The following PARD3B variants were observed in gnomAD, a reference collection of about 807,000 sequenced individuals.
PARD3B encodes par-3 family cell polarity regulator beta, also known as partitioning defective 3 homolog B.
PARD3B carries 103 observed loss-of-function variants against 130.2 expected under a neutral mutation model. That is an observed-to-expected ratio of 0.79 (90% confidence interval 0.67 to 0.93). The LOEUF (loss-of-function observed/expected upper bound fraction) is 0.93. Among genes scored for constraint, PARD3B ranks in the 40% least tolerant of loss-of-function variants. The pLI, the probability that PARD3B is intolerant of heterozygous loss-of-function variation, is 0.00. For synonymous variants in PARD3B, 583 were observed against 553.2 expected, an observed-to-expected ratio of 1.05 and a Z score of -0.76; for missense variants, 1,609 against 1,499.2, an observed-to-expected ratio of 1.07 and a Z score of -1.21.
At chr2:205,024,388 C>T (rs13036094) in intron 3 of PARD3B, among the ~76,000 whole-genome samples, 14,809 of 151,916 alleles carry the variant, frequency 0.097, 1,097 homozygotes, top group Admixed American at 0.25. Context: ...AAGCTGGTCT[C>T]GAACTCCACA....
intron 15 of PARD3B, among the ~76,000 whole-genome samples, chr2:205,236,092 AAATGT>A (rs1221660919): frequency 6.6e-6 from 1 of 152,248 alleles, no homozygotes; most frequent in East Asian, 1.9e-4. Flanking sequence ...TTGACAACTA[AAATGT>A]AATGGACAAA....
intron 22 of PARD3B, among the ~76,000 whole-genome samples, chr2:205,565,956 A>G (rs189547421): frequency 6.6e-6 from 1 of 152,244 alleles, no homozygotes; most frequent in Admixed American, 6.5e-5. Flanking sequence ...AGAAAATAGA[A>G]TGTGAAATTG....
Position 205,460,932 on chromosome 2 carries a change from A to G in PARD3B, c.3044+20260A>G, listed in dbSNP as rs1261754076. On this transcript the variant is annotated intron_variant, in intron 20 of 22. Coordinates refer to ENST00000406610, the MANE Select transcript of PARD3B (RefSeq NM_001302769.2). This position sits in a 1 kb window ranked among gnomAD's most constrained non-coding sequence, Gnocchi z 4.9. The stretch of plus-strand genomic sequence containing the variant: ...AGGCTACAGAAACCACTGATGATGT[A>G]TTCTGTACCAGCTTAGCCTCCAGTC... Among the ~76,000 whole-genome samples, 1 of 152,210 alleles carries G rather than the reference A, an allele frequency of 6.6e-6. No homozygotes were observed. Among genetic ancestry groups the G allele is most frequent in the Non-Finnish European group, 1.5e-5 (1 of 68,036 alleles).
In PARD3B at chr2:204,698,826, A is replaced by G. The variant is rs1420766331; in HGVS notation, c.222+12544A>G. ...TTGTAGCGTTCCTCCTTTTTATTTT[A>G]AGAACTTGGAAGAAACATTTGACAC... On this transcript the variant is annotated intron_variant, in intron 2 of 22. Transcript: ENST00000406610. Among the ~76,000 whole-genome samples the G allele has an allele frequency of 3.3e-5, 5 of 152,174 alleles. No homozygotes were observed. The East Asian group carries it at 9.7e-4, about 29-fold the overall frequency.
At position 204,937,803 on chromosome 2, in the gene PARD3B, T is replaced by G. The variant is rs576227537; in HGVS notation, c.223-27349T>G. 2.0e-5 allele frequency among the ~76,000 whole-genome samples: 3 copies of G among 152,300 alleles called. No homozygotes were observed. The East Asian group carries it at 5.8e-4, about 29-fold the overall frequency. On this transcript the variant is annotated intron_variant, in intron 2 of 22. Coordinates refer to ENST00000406610, the MANE Select transcript of PARD3B (RefSeq NM_001302769.2). ...ATGATACTCTAGGCAATTTTATAAA[T>G]TTTAAATCCTGGGTACCCAAGTAAA...
intron 1 of PARD3B, among the ~76,000 whole-genome samples, chr2:204,565,035 C>A (rs1048314490): frequency 6.6e-6 from 1 of 152,216 alleles, no homozygotes; most frequent in African/African-American, 2.4e-5. Flanking sequence ...GGAGGCTTGA[C>A]TGGGAAGAAT....
At chr2:205,600,573 A>G (rs550666205) in intron 22 of PARD3B, among the ~76,000 whole-genome samples, 3 of 152,320 alleles carry the variant, frequency 2.0e-5, no homozygotes, top group Non-Finnish European at 4.4e-5. Flanking sequence ...AACGTGTGCT[A>G]TGGTGGGTTG....
intron 20 of PARD3B, among the ~76,000 whole-genome samples, chr2:205,489,361 C>CAGG (rs1354015102): frequency 1.3e-5 from 2 of 151,768 alleles, no homozygotes; most frequent in Non-Finnish European, 2.9e-5. Context: ...CCTATAATCC[C>CAGG]AGTGCTTTAG....
intron 2 of PARD3B, among the ~76,000 whole-genome samples, chr2:204,928,560 G>T (rs1337289843): frequency 1.3e-5 from 2 of 152,078 alleles, no homozygotes; most frequent in African/African-American, 4.8e-5. Context: ...AACAAGTGGA[G>T]TTCTAAATCA....
chr2:205,547,402 G>C (rs775314832), intron 21 of PARD3B, among the ~76,000 whole-genome samples: 1 of 152,186 alleles, frequency 6.6e-6, no homozygotes, highest in East Asian at 1.9e-4. Flanking sequence ...CAGTTGTAGA[G>C]AGCAACATCC....
intron 20 of PARD3B, among the ~76,000 whole-genome samples, chr2:205,442,886 G>A (rs1348628639): frequency 1.3e-5 from 2 of 152,180 alleles, no homozygotes; most frequent in Non-Finnish European, 2.9e-5. Context: ...GTGTAAAAGA[G>A]TGTTACTTTT....
chr2:204,560,358 A>G (rs2031229240), intron 1 of PARD3B, among the ~76,000 whole-genome samples: 1 of 152,190 alleles, frequency 6.6e-6, no homozygotes, highest in African/African-American at 2.4e-5. Flanking sequence ...GAGGATATAG[A>G]GTAAAATAAG....
intron 18 of PARD3B, among the ~76,000 whole-genome samples, chr2:205,340,863 A>T (rs1367335874): frequency 6.6e-6 from 1 of 152,130 alleles, no homozygotes; most frequent in Non-Finnish European, 1.5e-5. Context: ...AGAAACTAAT[A>T]TCCGGAACAC....
At position 205,380,934 on chromosome 2, in the gene PARD3B, GAATATATATAATATAT is replaced by G. The variant is rs2045382230; in HGVS notation, c.2631-20075_2631-20060del. On this transcript the variant is annotated intron_variant, in intron 18 of 22. Coordinates refer to ENST00000406610, the MANE Select transcript of PARD3B (RefSeq NM_001302769.2). ...ATAAAGAATATATATAATATATAAA[GAATATATATAATATAT>G]AATGTATATAATATCTAAAGAATAT... 1.1e-4 allele frequency among the ~76,000 whole-genome samples: 9 copies of G among 81,432 alleles called. 3 individuals are homozygous for G. Among genetic ancestry groups the G allele is most frequent in the African/African-American group, 5.1e-4 (8 of 15,644 alleles). The allele number at this position is 81,432 out of a possible 152,430, so 53.4% of individuals were successfully genotyped here.
intron 22 of PARD3B, among the ~76,000 whole-genome samples, chr2:205,560,716 A>G (rs541906613): frequency 2.0e-5 from 3 of 152,286 alleles, no homozygotes; most frequent in African/African-American, 7.2e-5. Context: ...CATGTTACAT[A>G]AGTTACTTGG....
intron 16 of PARD3B, among the ~76,000 whole-genome samples, chr2:205,255,561 G>T (rs894458110): frequency 1.3e-5 from 2 of 152,040 alleles, no homozygotes; most frequent in African/African-American, 4.8e-5. Context: ...CCAGTCCCAC[G>T]TCCTAAGTTG....
At chr2:204,681,612 G>T (rs1025472732) in intron 1 of PARD3B, among the ~76,000 whole-genome samples, 1 of 152,128 alleles carries the variant, frequency 6.6e-6, no homozygotes, top group Non-Finnish European at 1.5e-5. Flanking sequence ...TCACGTGTCA[G>T]TGCTGCTCTG....
intron 2 of PARD3B, among the ~76,000 whole-genome samples, chr2:204,952,351 C>T (rs1016468567): frequency 5.9e-5 from 9 of 152,160 alleles, no homozygotes; most frequent in Admixed American, 3.9e-4. Flanking sequence ...CCTGCTCTCT[C>T]TTAAGGGACT....
chr2:205,616,098 C>A lies in PARD3B; in HGVS notation c.*285C>A. 2.5e-6 allele frequency: 1 copy of A among 395,366 alleles called. No individual in the cohort carries two copies. The highest frequency in any genetic ancestry group is 4.5e-5 in the East Asian group (1 of 22,438). 24.5% of individuals were successfully genotyped at this position (395,366 alleles called of 1,614,324 possible). On this transcript the variant is annotated 3_prime_UTR_variant, in exon 23 of 23. Transcript: ENST00000406610. ...TTGTTCAAATCAGTGAGAGTGGCAA[C>A]GGAACACACAAACAACTAATTATGG...
Sources: allele counts gnomAD v4.1 joint callset (sites outside exome capture counted in the v4.1 genomes callset), GRCh38; gene constraint gnomAD v4.1.1; non-coding constraint Gnocchi (gnomAD v3.1); transcripts MANE v1.5; gene names NCBI Gene and HGNC (gene_info 2026-07-23, HGNC 2026-07-21).